The following PGAM5 variants were observed in gnomAD, a reference collection of about 807,000 sequenced individuals.
PGAM5 encodes the protein serine/threonine-protein phosphatase PGAM5, mitochondrial.
A neutral mutation model predicts 30.6 loss-of-function variants in PGAM5; 25 were observed. The observed-to-expected ratio is 0.82, with a 90% CI of 0.60 to 1.14. The LOEUF (loss-of-function observed/expected upper bound fraction) is 1.14, where lower values mean the gene tolerates loss of function less well. Ranked by LOEUF, PGAM5 falls within the 50% of genes most tolerant of loss-of-function variation. PGAM5 has a pLI of 0.00. For synonymous variants in PGAM5, 201 were observed against 179.1 expected (o/e 1.12, Z -0.98); for missense variants, 384 against 408.5 (o/e 0.94, Z 0.52).
intron 1 of PGAM5, chr12:132,711,333 C>T: frequency 3.9e-6 from 1 of 253,388 alleles, no homozygotes; most frequent in Non-Finnish European, 7.5e-6. Context: ...CCCTGGGTGC[C>T]ATCGCCGGAG....
At position 132,720,098 on chromosome 12, in the gene PGAM5, T is replaced by C. The variant is rs7397932; in HGVS notation, c.720-580T>C. On this transcript the variant is annotated intron_variant, in intron 5 of 5. Transcript: ENST00000498926. ...TCCCCAAGTGTGATGGCTCCATTCA[T>C]GTCGATCCCAGTCATCGATTCACGT... is the stretch of plus-strand genomic sequence containing the variant. 6.0e-5 allele frequency among the ~76,000 whole-genome samples: 9 copies of C among 148,804 alleles called. No individual in the cohort carries two copies. In the South Asian group the frequency reaches 8.7e-4, roughly 14 times the overall value.
chr12:132,720,789 C>T lies in PGAM5; in HGVS notation c.831C>T (p.Asp277=). The change falls in exon 6 of 6, where the codon GAC becomes GAT. Residue 277 remains aspartate (D), a synonymous_variant. Transcript: ENST00000498926. ...GAGTTGCGCTCAGGACCCTCGGGGACACGGGGTTCATGCCTCCCGACAAGA... is the reference window on the plus strand; with the variant it reads ...GAGTTGCGCTCAGGACCCTCGGGGATACGGGGTTCATGCCTCCCGACAAGA... ...NGRVALRTLG[D]TGFMPPDKIT... 6.5e-7 allele frequency: 1 copy of T among 1,536,472 alleles called. No individual in the cohort carries two copies. Among genetic ancestry groups the T allele is most frequent in the Non-Finnish European group, 8.7e-7 (1 of 1,146,866 alleles).
chr12:132,715,866 G>A (rs2043571860), intron 2 of PGAM5, among the ~76,000 whole-genome samples: 1 of 151,874 alleles, frequency 6.6e-6, no homozygotes, highest in African/African-American at 2.4e-5. Context: ...GTAACAGAGT[G>A]AGACTCCGTC....
In PGAM5 at chr12:132,710,955, G is replaced by A. The variant is rs2043515646; in HGVS notation, c.79G>A (p.Ala27Thr). Residue 27 changes from alanine (A) to threonine (T), a missense_variant, in exon 1 of 6, where the codon GCG (alanine) becomes ACG (threonine). Transcript: ENST00000498926. ...GGCCGCCGTGCTCTTCTCGGCCGTG[G>A]CGGTAGGGAAGCCGCGCGCAGGCGG... ...GSAAVLFSAV[A>T]VGKPRAGGDA... is the part of the protein sequence containing the mutation. 3 of 1,183,128 alleles carry A rather than the reference G, an allele frequency of 2.5e-6. No individual in the cohort carries two copies. The highest frequency in any genetic ancestry group is 4.1e-5 in the South Asian group (1 of 24,340). The allele number at this position is 1,183,128 out of a possible 1,614,324, so 73.3% of individuals were successfully genotyped here.
At position 132,722,186 on chromosome 12, in the gene PGAM5, C is replaced by T. The variant is rs911644961; in HGVS notation, c.*1358C>T. On this transcript the variant is annotated 3_prime_UTR_variant, in exon 6 of 6. Transcript: ENST00000498926. ...TATTGAGTAAAATACTTCAGATTGA[C>T]AGCTCAATCTTAGTTTGCCTCCAGT... The T allele has an allele frequency of 2.0e-5, 3 of 151,606 alleles. No homozygotes were observed. The highest frequency in any genetic ancestry group is 1.3e-4 in the Admixed American group (2 of 15,236). The allele number at this position is 151,606 out of a possible 1,614,324, so 9.4% of individuals were successfully genotyped here. A position where few individuals can be genotyped will look rare whatever the true frequency, so the allele number is the denominator to read the frequency against.
At chr12:132,719,123 T>C (rs1359928321) in intron 5 of PGAM5, 3 of 1,345,300 alleles carry the variant, frequency 2.2e-6, no homozygotes, top group East Asian at 6.4e-5. Context: ...CCTGAAACAG[T>C]CAGAAGGGTT....
At chr12:132,720,465 G>T (rs1045999051) in intron 5 of PGAM5, among the ~76,000 whole-genome samples, 10 of 152,012 alleles carry the variant, frequency 6.6e-5, no homozygotes, top group African/African-American at 2.4e-4. Context: ...CTGCTATCAC[G>T]CCCAGCTAAT....
intron 5 of PGAM5, among the ~76,000 whole-genome samples, chr12:132,720,098 T>TGTCGATCCCAGTCATCGATTCAC (rs141517153): frequency 0.59 from 87,175 of 148,750 alleles, 26,504 homozygotes; most frequent in East Asian, 0.79. Flanking sequence ...GCTCCATTCA[T>TGTCGATCCCAGTCATCGATTCAC]GTCGATCCCA....
At chr12:132,719,169 T>C in intron 5 of PGAM5, 8 of 1,227,582 alleles carry the variant, frequency 6.5e-6, no homozygotes, top group Non-Finnish European at 8.2e-6. Context: ...TGAAACAAAT[T>C]TGCCTCTTCT....
intron 1 of PGAM5, 87 bp downstream of exon 1, chr12:132,711,154 G>A: frequency 8.9e-6 from 9 of 1,012,850 alleles, no homozygotes; most frequent in Non-Finnish European, 1.1e-5. Flanking sequence ...CCAGGTTTAA[G>A]GTTGCGATCG....
At position 132,714,918 on chromosome 12, in the gene PGAM5, G is replaced by T. The variant is rs372133330; in HGVS notation, c.252G>T (p.Glu84Asp). ...RKRNVESGEE[E>D]LASKLDHYKA... ...GGAACGTGGAATCTGGGGAAGAAGAGCTGGCGTCCAAGCTGGACCACTACA... is the reference window on the plus strand; with the variant it reads ...GGAACGTGGAATCTGGGGAAGAAGATCTGGCGTCCAAGCTGGACCACTACA... Residue 84 changes from glutamate to aspartate, a missense_variant, in exon 2 of 6, where the codon GAG (glutamate) becomes GAT (aspartate). Glu to Asp is a conservative substitution (Grantham distance 45, BLOSUM62 2). Transcript: ENST00000498926. The T allele has an allele frequency of 6.2e-7, 1 of 1,613,670 alleles. No homozygotes were observed. The highest frequency in any genetic ancestry group is 8.5e-7 in the Non-Finnish European group (1 of 1,180,014).
Position 132,710,972 on chromosome 12 carries a change from C to T in PGAM5, c.96C>T (p.Arg32=). 6.7e-6 allele frequency: 8 copies of T among 1,191,848 alleles called. No homozygotes were observed. Among genetic ancestry groups the T allele is most frequent in the Non-Finnish European group, 8.3e-6 (8 of 962,902 alleles). The allele number at this position is 1,191,848 out of a possible 1,614,324, so 73.8% of individuals were successfully genotyped here. A position where few individuals can be genotyped will look rare whatever the true frequency, so the allele number is the denominator to read the frequency against. Residue 32 remains arginine, a synonymous_variant, in exon 1 of 6, where the codon CGC becomes CGT. Transcript: ENST00000498926. ...CGGCCGTGGCGGTAGGGAAGCCGCG[C>T]GCAGGCGGGGACGCGGAGCCACGCC... ...LFSAVAVGKP[R]AGGDAEPRPA...
intron 2 of PGAM5, among the ~76,000 whole-genome samples, chr12:132,715,567 T>G (rs2043567590): frequency 1.8e-5 from 1 of 56,642 alleles, no homozygotes; most frequent in African/African-American, 6.1e-5. Flanking sequence ...CGAGACTCCG[T>G]CTCAAAAAAA....
chr12:132,715,480 A>G (rs571895726), intron 2 of PGAM5, among the ~76,000 whole-genome samples: 11 of 151,626 alleles, frequency 7.3e-5, no homozygotes, highest in African/African-American at 2.4e-4. Flanking sequence ...CTGAGGCAGG[A>G]GAATGGTGTG....
At chr12:132,714,763 C>T (rs1357576415) in intron 1 of PGAM5, 95 bp from the exon 2 acceptor site, 2 of 1,440,300 alleles carry the variant, frequency 1.4e-6, no homozygotes, top group South Asian at 2.6e-5. Context: ...CATGCTCTTC[C>T]CAAATAGTCT....
In PGAM5 at chr12:132,717,645, G is replaced by A. The variant is rs11147013; in HGVS notation, c.497-65G>A. On this transcript the variant is annotated intron_variant, in intron 3 of 5. Transcript: ENST00000498926. ...GCCCCGGCCTGAGCTCCTGGCCACC[G>A]GGAGGTCACAGCATCTCCGCCGGCG... The A allele has an allele frequency of 2.7e-5, 43 of 1,585,874 alleles. 1 individual carries two copies. The highest frequency in any genetic ancestry group is 1.7e-4 in the Middle Eastern group (1 of 6,002).
intron 5 of PGAM5, among the ~76,000 whole-genome samples, chr12:132,719,653 G>A (rs2043623456): frequency 6.6e-6 from 1 of 152,216 alleles, no homozygotes; most frequent in Admixed American, 6.5e-5. Context: ...CGGGAGAGTG[G>A]AGCCGACCTG....
Position 132,711,070 on chromosome 12 carries a change from G to T in PGAM5, c.191+3G>T. On this transcript the variant is annotated splice_donor_region_variant and intron_variant, in intron 1 of 5. Coordinates refer to ENST00000498926, the MANE Select transcript of PGAM5 (RefSeq NM_001170543.2). Reference sequence around the variant, plus strand: ...GTCTGGGACCCCAACTGGGACAGGTGCGCGCGGGGCTGTTTGGGGCCGGGG... The same window carrying T: ...GTCTGGGACCCCAACTGGGACAGGTTCGCGCGGGGCTGTTTGGGGCCGGGG... 1 of 1,211,292 alleles carries T rather than the reference G, an allele frequency of 8.3e-7. No homozygotes were observed. The highest frequency in any genetic ancestry group is 4.1e-5 in the South Asian group (1 of 24,172). 75.0% of individuals were successfully genotyped at this position (1,211,292 alleles called of 1,614,324 possible).
chr12:132,719,861 G>T (rs1042845048), intron 5 of PGAM5, among the ~76,000 whole-genome samples: 2 of 152,240 alleles, frequency 1.3e-5, no homozygotes, highest in African/African-American at 4.8e-5. Flanking sequence ...AATGCGAATT[G>T]TGCCTAAGAA....
Sources: allele counts gnomAD v4.1 joint callset (sites outside exome capture counted in the v4.1 genomes callset), GRCh38; gene constraint gnomAD v4.1.1; transcripts MANE v1.5; gene names NCBI Gene and HGNC (gene_info 2026-07-23, HGNC 2026-07-21).